The following NECAP2 variants were observed in gnomAD, a reference collection of about 807,000 sequenced individuals.
The protein encoded by NECAP2 is NECAP endocytosis associated 2, also known as adaptin ear-binding coat-associated protein 2.
Under a neutral mutation model 37.8 loss-of-function variants are expected in NECAP2, and 38 were observed. That is an observed-to-expected ratio of 1.01 (90% CI 0.78 to 1.32). The LOEUF (loss-of-function observed/expected upper bound fraction) is 1.32, where lower values mean the gene tolerates loss of function less well. NECAP2 is among the 40% of genes most tolerant of loss of function. The pLI is 0.00. For synonymous variants in NECAP2, 121 were observed against 127.7 expected (o/e 0.95, Z 0.35); for missense variants, 316 against 334.5 (o/e 0.94, Z 0.43).
Position 16,451,987 on chromosome 1 carries a change from C to T in NECAP2, c.639C>T (p.Leu213=), listed in dbSNP as rs150527960. 1.9e-5 allele frequency: 30 copies of T among 1,602,938 alleles called. No homozygotes were observed. Among genetic ancestry groups the T allele is most frequent in the Middle Eastern group, 1.7e-4 (1 of 5,928 alleles). Residue 213 remains leucine, a synonymous_variant, in exon 6 of 8, where the codon CTC becomes CTT. Coordinates refer to ENST00000337132, the MANE Select transcript of NECAP2 (RefSeq NM_018090.5). ...AGCAGTTGGCTGTGGGGGGATCCCT[C>T]GTCCAGCCAGCAGTTGCTCCCAGTT... ...PGEQLAVGGS[L]VQPAVAPSSG... is the part of the protein sequence containing the mutation.
intron 6 of NECAP2, among the ~76,000 whole-genome samples, chr1:16,452,770 C>A (rs956957970): frequency 6.6e-6 from 1 of 152,000 alleles, no homozygotes; most frequent in Non-Finnish European, 1.5e-5. Context: ...CCCGCGCGCC[C>A]CCCCCGCCCG....
chr1:16,457,922 GCTGGT>G (rs1489069042), intron 7 of NECAP2, among the ~76,000 whole-genome samples: 1 of 151,798 alleles, frequency 6.6e-6, no homozygotes, highest in African/African-American at 2.4e-5. Context: ...TGTTGCCCAG[GCTGGT>G]CTGGAACTCC....
At chr1:16,453,927 AGCAT>A (rs960501684) in intron 6 of NECAP2, among the ~76,000 whole-genome samples, 3 of 152,226 alleles carry the variant, frequency 2.0e-5, no homozygotes, top group Non-Finnish European at 4.4e-5. Flanking sequence ...ACAGGCAGTT[AGCAT>A]GTCAACAAAC....
Position 16,452,006 on chromosome 1 carries a change from C to G in NECAP2, c.658C>G (p.Pro220Ala). 1 of 1,591,722 alleles carries G rather than the reference C, an allele frequency of 6.3e-7. No individual in the cohort carries two copies. Among genetic ancestry groups the G allele is most frequent in the Non-Finnish European group, 8.6e-7 (1 of 1,169,020 alleles). The change falls in exon 6 of 8, where the codon CCC (proline) becomes GCC (alanine). Residue 220 changes from proline to alanine, a missense_variant. By Grantham distance (27) the Pro-to-Ala change is conservative. Coordinates refer to ENST00000337132, the MANE Select transcript of NECAP2 (RefSeq NM_018090.5). ...GGSLVQPAVA[P>A]SSGGAPVPWP... The stretch of plus-strand genomic sequence containing the variant: ...ATCCCTCGTCCAGCCAGCAGTTGCT[C>G]CCAGTTCAGGTTAGTGCTCAGTGGG...
chr1:16,450,538 T>C (rs1271693148), intron 5 of NECAP2: 1 of 156,746 alleles, frequency 6.4e-6, no homozygotes, highest in East Asian at 1.9e-4. Flanking sequence ...TAACTTGTGC[T>C]GCTTTCTGGC....
intron 6 of NECAP2, among the ~76,000 whole-genome samples, chr1:16,453,355 C>T (rs1317568450): frequency 3.3e-5 from 5 of 151,952 alleles, no homozygotes; most frequent in Non-Finnish European, 7.4e-5. Context: ...GTGATCCGCC[C>T]GCCTCAGCCT....
chr1:16,453,861 C>T (rs2086880995), intron 6 of NECAP2, among the ~76,000 whole-genome samples: 1 of 152,102 alleles, frequency 6.6e-6, no homozygotes, highest in Non-Finnish European at 1.5e-5. Context: ...GTTCTAGGCA[C>T]TGGTACGTAT....
intron 2 of NECAP2, among the ~76,000 whole-genome samples, 175 bp downstream of exon 2, chr1:16,443,907 G>A (rs997440719): frequency 5.3e-5 from 8 of 152,144 alleles, no homozygotes; most frequent in South Asian, 2.1e-4. Flanking sequence ...AGAAAGTACC[G>A]TCTCCAGGTG....
chr1:16,452,076 C>G, intron 6 of NECAP2, 61 bp downstream of exon 6: 1 of 1,477,478 alleles, frequency 6.8e-7, no homozygotes, highest in Non-Finnish European at 9.1e-7. Flanking sequence ...TCCCTGGCAG[C>G]CAGGCCCCAT....
chr1:16,457,087 G>A (rs1184924088), intron 7 of NECAP2, among the ~76,000 whole-genome samples: 1 of 152,218 alleles, frequency 6.6e-6, no homozygotes, highest in Non-Finnish European at 1.5e-5. Flanking sequence ...TTCTGCTCTT[G>A]TTGCACAAAA....
At position 16,452,090 on chromosome 1, in the gene NECAP2, T is replaced by G. The variant is rs781224122; in HGVS notation, c.667+75T>G. ...CTCCCTGGCAGCCAGGCCCCATGGT[T>G]TCCCCCCCGTTACACACATGGATTG... On this transcript the variant is annotated intron_variant, in intron 6 of 7. Transcript: ENST00000337132. 1.3e-4 allele frequency: 188 copies of G among 1,415,124 alleles called. 1 individual carries two copies. Among genetic ancestry groups the G allele is most frequent in the Non-Finnish European group, 1.5e-4 (156 of 1,043,982 alleles). The allele number at this position is 1,415,124 out of a possible 1,614,324, so 87.7% of individuals were successfully genotyped here.
chr1:16,444,065 C>T (rs938886457), intron 2 of NECAP2, among the ~76,000 whole-genome samples: 1 of 152,170 alleles, frequency 6.6e-6, no homozygotes, highest in East Asian at 1.9e-4. Flanking sequence ...TGAGGATGCA[C>T]AGCCCTCTGC....
intron 1 of NECAP2, among the ~76,000 whole-genome samples, chr1:16,442,225 G>T (rs2086700211): frequency 1.3e-5 from 2 of 152,078 alleles, no homozygotes; most frequent in African/African-American, 2.4e-5. Context: ...TGGTCCACTC[G>T]CCTCGGCCTC....
In NECAP2 at chr1:16,449,168, C is replaced by T. The variant is rs954633798; in HGVS notation, c.456C>T (p.Phe152=). The part of the protein sequence containing the change: ...PDQGPKLDLG[F]KEGQTIKLNI... The stretch of plus-strand genomic sequence containing the variant: ...AAGGCCCTAAACTGGACCTGGGCTT[C>T]AAGGAGGGCCAGACCATCAAGCTCA... Residue 152 remains phenylalanine, a synonymous_variant, in exon 5 of 8, where the codon TTC becomes TTT. Coordinates refer to ENST00000337132, the MANE Select transcript of NECAP2 (RefSeq NM_018090.5). 55 of 1,612,680 alleles carry T rather than the reference C, an allele frequency of 3.4e-5. No homozygotes were observed. The highest frequency in any genetic ancestry group is 4.7e-5 in the Non-Finnish European group (55 of 1,179,410).
chr1:16,453,895 G>C (rs1175383825), intron 6 of NECAP2, among the ~76,000 whole-genome samples: 1 of 152,040 alleles, frequency 6.6e-6, no homozygotes, highest in Non-Finnish European at 1.5e-5. Context: ...AGCTCTCAAG[G>C]GCTTGTTTTC....
chr1:16,451,416 A>C lies in NECAP2; in HGVS notation c.490-422A>C, dbSNP rs375291357. 103 of 164,038 alleles carry C rather than the reference A, an allele frequency of 6.3e-4. 2 individuals are homozygous for C. The South Asian group carries it at 0.016, about 26-fold the overall frequency. 10.2% of individuals were successfully genotyped at this position (164,038 alleles called of 1,614,324 possible). ...TATCTAGGAGTGGAACTGCGGAGTC[A>C]TAAGTTTAAGTTCCTATGTTGAGCT... is the stretch of plus-strand genomic sequence containing the variant. On this transcript the variant is annotated intron_variant, in intron 5 of 7. Transcript: ENST00000337132.
At chr1:16,449,776 G>A (rs1004808932) in intron 5 of NECAP2, 8 of 178,482 alleles carry the variant, frequency 4.5e-5, no homozygotes, top group Non-Finnish European at 8.3e-5. Flanking sequence ...AGCTTGTGCT[G>A]ATGGTGTTGT....
In NECAP2 at chr1:16,448,156, G is replaced by T. The variant is rs1473483717; in HGVS notation, c.380+15G>T. The T allele has an allele frequency of 6.2e-7, 1 of 1,605,784 alleles. No individual in the cohort carries two copies. The highest frequency in any genetic ancestry group is 8.5e-7 in the Non-Finnish European group (1 of 1,172,500). On this transcript the variant is annotated intron_variant, in intron 4 of 7. Coordinates refer to ENST00000337132, the MANE Select transcript of NECAP2 (RefSeq NM_018090.5). ...GACCATTTCAAGTGAGTGGGTCTGG[G>T]AGACACACGCTCATGCCCCTCCCTT...
chr1:16,454,844 A>G (rs1160340237), intron 6 of NECAP2, among the ~76,000 whole-genome samples: 1 of 152,210 alleles, frequency 6.6e-6, no homozygotes. Context: ...TTTTATTAAT[A>G]TCGTTATTGC....
Sources: gnomAD v4.1 joint callset for allele counts (sites outside exome capture counted in the v4.1 genomes callset) on GRCh38, gnomAD v4.1.1 for gene constraint, MANE v1.5 for transcripts, NCBI Gene and HGNC (gene_info 2026-07-23, HGNC 2026-07-21) for gene names.